The following EEFSEC variants were observed in gnomAD, a reference collection of about 807,000 sequenced individuals.
The protein encoded by EEFSEC is eukaryotic elongation factor, selenocysteine-tRNA specific.
Under a neutral mutation model 42.1 loss-of-function variants are expected in EEFSEC, and 43 were observed. The ratio of observed to expected loss-of-function variants is 1.02; its 90% CI spans 0.80 to 1.32. The LOEUF (loss-of-function observed/expected upper bound fraction) is 1.32. EEFSEC is among the 40% of genes most tolerant of loss of function. The pLI is 0.00. For missense variants in EEFSEC, 745 were observed against 803.6 expected, an observed-to-expected ratio of 0.93 and a Z score of 0.88; for synonymous variants, 354 against 339.1, an observed-to-expected ratio of 1.04 and a Z score of -0.48.
intron 6 of EEFSEC, among the ~76,000 whole-genome samples, chr3:128,384,929 A>T (rs1267928663): frequency 1.3e-5 from 2 of 151,888 alleles, no homozygotes; most frequent in Non-Finnish European, 2.9e-5. Flanking sequence ...CAGGTCCCAG[A>T]CCCCCCAGTT....
At chr3:128,249,018 C>T (rs2066156560) in intron 2 of EEFSEC, among the ~76,000 whole-genome samples, 1 of 152,182 alleles carries the variant, frequency 6.6e-6, no homozygotes, top group East Asian at 1.9e-4. Context: ...GGCATGTGAC[C>T]TGCTGAACAT....
the EEFSEC span, among the ~76,000 whole-genome samples, chr3:128,424,386 T>G: frequency 2.0e-5 from 3 of 152,178 alleles, no homozygotes; most frequent in African/African-American, 4.8e-5. Flanking sequence ...TTGTTTTGTT[T>G]TGTTTTGCTT....
chr3:128,246,080 A>G (rs2066123813), intron 1 of EEFSEC, among the ~76,000 whole-genome samples: 1 of 152,226 alleles, frequency 6.6e-6, no homozygotes, highest in Non-Finnish European at 1.5e-5. Context: ...ATCCCGTTAA[A>G]AAGGAAACAG....
In EEFSEC at chr3:128,363,218, G is replaced by C. The variant is rs113283020; in HGVS notation, c.1600+4845G>C. 8.3e-3 allele frequency among the ~76,000 whole-genome samples: 1,259 copies of C among 152,344 alleles called. 5 individuals carry two copies. Among genetic ancestry groups the C allele is most frequent in the Middle Eastern group, 0.02 (6 of 294 alleles). On this transcript the variant is annotated intron_variant, in intron 6 of 6. Transcript: ENST00000254730. Reference sequence around the variant, plus strand: ...AGCACCTCGTTTCACTGCACAAGCAGACCATTTCAAACCGCTCTGCTGCAT... The same window carrying C: ...AGCACCTCGTTTCACTGCACAAGCACACCATTTCAAACCGCTCTGCTGCAT...
At chr3:128,397,799 T>C (rs1464034460) in intron 6 of EEFSEC, among the ~76,000 whole-genome samples, 1 of 152,240 alleles carries the variant, frequency 6.6e-6, no homozygotes, top group African/African-American at 2.4e-5. Context: ...CTCTGGCCCA[T>C]GGATGGGGGG....
At chr3:128,401,303 G>A (rs762561577) in intron 6 of EEFSEC, among the ~76,000 whole-genome samples, 83 of 152,224 alleles carry the variant, frequency 5.5e-4, no homozygotes, top group Admixed American at 3.7e-3. Flanking sequence ...CTGCACCCCT[G>A]CTGTGAGTGC....
At chr3:128,373,657 C>G (rs1387344803) in intron 6 of EEFSEC, among the ~76,000 whole-genome samples, 1 of 152,216 alleles carries the variant, frequency 6.6e-6, no homozygotes, top group Middle Eastern at 3.2e-3. Context: ...GGGAGCTCTG[C>G]TATCCACACA....
intron 4 of EEFSEC, among the ~76,000 whole-genome samples, chr3:128,279,963 G>C (rs770324766): frequency 1.3e-5 from 2 of 152,184 alleles, no homozygotes; most frequent in South Asian, 2.1e-4. Flanking sequence ...GCGATACCAC[G>C]TGCCCATCGA....
chr3:128,250,487 G>A (rs2955089), intron 2 of EEFSEC, among the ~76,000 whole-genome samples: 127,795 of 152,140 alleles, frequency 0.84, 54,148 homozygotes, highest in East Asian at 0.99. Context: ...CAGTTTTCCA[G>A]GCACTTTTGT....
intron 1 of EEFSEC, among the ~76,000 whole-genome samples, chr3:128,159,664 G>T (rs151320985): frequency 2.0e-5 from 3 of 152,110 alleles, no homozygotes; most frequent in Non-Finnish European, 2.9e-5. Context: ...CTTCAGTCAC[G>T]GTGGCCTCAT....
chr3:128,242,570 TA>T (rs1358657009), intron 1 of EEFSEC, among the ~76,000 whole-genome samples: 2 of 152,174 alleles, frequency 1.3e-5, no homozygotes, highest in African/African-American at 4.8e-5. Context: ...CCAGCTGAAA[TA>T]TTTTTTTCTG....
At chr3:128,406,308 C>T (rs965583945) in intron 6 of EEFSEC, among the ~76,000 whole-genome samples, 8 of 152,288 alleles carry the variant, frequency 5.3e-5, no homozygotes, top group African/African-American at 1.9e-4. Flanking sequence ...TATCTCAAAA[C>T]CCAAACTCAT....
chr3:128,226,301 AC>A (rs1234924617), intron 1 of EEFSEC, among the ~76,000 whole-genome samples: 31 of 152,302 alleles, frequency 2.0e-4, no homozygotes, highest in Non-Finnish European at 4.3e-4. Flanking sequence ...CCTCACAAGG[AC>A]CCAGCATTTT....
At chr3:128,425,864 T>C in the EEFSEC span, among the ~76,000 whole-genome samples, 96 of 152,264 alleles carry the variant, frequency 6.3e-4, 2 homozygotes, top group East Asian at 0.018. Flanking sequence ...TGAGGTGAGT[T>C]TGAACCGAGA....
chr3:128,261,101 T>C (rs2066292685), intron 2 of EEFSEC, among the ~76,000 whole-genome samples: 2 of 152,216 alleles, frequency 1.3e-5, no homozygotes, highest in African/African-American at 4.8e-5. Flanking sequence ...GGTCGTACCA[T>C]TGTCCAGGTG....
intron 1 of EEFSEC, among the ~76,000 whole-genome samples, chr3:128,200,161 A>T (rs183572169): frequency 6.6e-6 from 1 of 152,292 alleles, no homozygotes; most frequent in African/African-American, 2.4e-5. Context: ...TATAAACTTG[A>T]ATTTGAAAAG....
At chr3:128,348,683 A>C (rs899434036) in intron 5 of EEFSEC, among the ~76,000 whole-genome samples, 2 of 152,194 alleles carry the variant, frequency 1.3e-5, no homozygotes, top group African/African-American at 4.8e-5. Flanking sequence ...CTTTCCAGGC[A>C]GATGTAAAGA....
At chr3:128,272,940 G>C (rs2066429717) in intron 4 of EEFSEC, among the ~76,000 whole-genome samples, 1 of 152,178 alleles carries the variant, frequency 6.6e-6, no homozygotes, top group Admixed American at 6.5e-5. Flanking sequence ...TCAGGTGCTG[G>C]ACACAGATGG....
chr3:128,337,704 G>A (rs57715817), intron 4 of EEFSEC, among the ~76,000 whole-genome samples: 40 of 152,366 alleles, frequency 2.6e-4, no homozygotes, highest in African/African-American at 9.1e-4. Context: ...TGAGGACGCA[G>A]CATAGGGAGA....
Sources: gnomAD v4.1 joint callset for allele counts (sites outside exome capture counted in the v4.1 genomes callset) on GRCh38, gnomAD v4.1.1 for gene constraint, MANE v1.5 for transcripts, NCBI Gene and HGNC (gene_info 2026-07-23, HGNC 2026-07-21) for gene names.